Variants in PCNX2 observed in about 807,000 individuals in gnomAD.
PCNX2 encodes pecanex 2, also known as pecanex-like protein 2.
In PCNX2, 168 loss-of-function variants were observed where a neutral mutation model predicts 223.8. The observed-to-expected ratio is 0.75, with a 90% confidence interval of 0.66 to 0.85. The LOEUF (loss-of-function observed/expected upper bound fraction) is 0.85, where lower values mean the gene tolerates loss of function less well. Among genes scored for constraint, PCNX2 ranks in the 40% least tolerant of loss-of-function variants. The pLI, the probability that PCNX2 is intolerant of heterozygous loss-of-function variation, is 0.00. For missense variants in PCNX2, 2,507 were observed against 2,675.5 expected (o/e 0.94, Z 1.39); for synonymous variants, 1,006 against 1,052.6 (o/e 0.96, Z 0.86).
At chr1:233,042,410 A>G (rs1671673794) in intron 25 of PCNX2, among the ~76,000 whole-genome samples, 1 of 152,146 alleles carries the variant, frequency 6.6e-6, no homozygotes, top group Non-Finnish European at 1.5e-5. Flanking sequence ...TCCTATCCCC[A>G]GCTGATAGAC....
At chr1:233,293,484 G>C (rs1661888651) in intron 1 of PCNX2, among the ~76,000 whole-genome samples, 1 of 152,184 alleles carries the variant, frequency 6.6e-6, no homozygotes, top group Non-Finnish European at 1.5e-5. Flanking sequence ...TGAAATACAT[G>C]TTCCAACAAC....
chr1:233,053,360 C>T (rs1451825070), intron 25 of PCNX2, among the ~76,000 whole-genome samples: 1 of 152,094 alleles, frequency 6.6e-6, no homozygotes, highest in African/African-American at 2.4e-5. Flanking sequence ...CTCTCCAGGC[C>T]CTCCTCGACC....
chr1:233,282,528 C>T (rs1216565436), intron 1 of PCNX2, among the ~76,000 whole-genome samples: 2 of 152,152 alleles, frequency 1.3e-5, no homozygotes, highest in Non-Finnish European at 2.9e-5. Context: ...TCAGTGGCAC[C>T]TCATACGCCT....
intron 21 of PCNX2, among the ~76,000 whole-genome samples, chr1:233,119,548 G>T (rs1277293691): frequency 3.4e-5 from 5 of 147,854 alleles, no homozygotes; most frequent in Non-Finnish European, 7.4e-5. Context: ...TCCCGCCACT[G>T]CACTCCAGCC....
intron 25 of PCNX2, chr1:233,033,026 A>C: frequency 1.0e-6 from 1 of 985,470 alleles, no homozygotes; most frequent in Non-Finnish European, 1.2e-6. Flanking sequence ...CAGAAGGTTC[A>C]AAGCATATTC....
intron 32 of PCNX2, among the ~76,000 whole-genome samples, chr1:232,993,969 G>A (rs547113261): frequency 1.3e-5 from 2 of 152,354 alleles, no homozygotes; most frequent in South Asian, 4.1e-4. Flanking sequence ...TTCAGAGGAG[G>A]TATGGAAATG....
intron 17 of PCNX2, among the ~76,000 whole-genome samples, chr1:233,174,218 TTA>T (rs890034995): frequency 4.1e-4 from 56 of 136,428 alleles, no homozygotes; most frequent in African/African-American, 1.3e-3. Flanking sequence ...TATATAAAAA[TTA>T]TGTTATATAT....
At chr1:233,119,863 G>T (rs1285937628) in intron 21 of PCNX2, among the ~76,000 whole-genome samples, 1 of 151,904 alleles carries the variant, frequency 6.6e-6, no homozygotes, top group African/African-American at 2.4e-5. Context: ...TCCAACAAGG[G>T]AATCAAATCT....
intron 5 of PCNX2, among the ~76,000 whole-genome samples, chr1:233,255,996 T>TCTTC (rs113781336): frequency 0.028 from 4,275 of 152,294 alleles, 106 homozygotes; most frequent in African/African-American, 0.071. Context: ...ACTGTCTCTT[T>TCTTC]CTTCAATTAA....
At chr1:233,298,930 T>C (rs67894870), upstream of PCNX2, among the ~76,000 whole-genome samples, 35,979 of 152,186 alleles carry the variant, frequency 0.24, 5,322 homozygotes, top group East Asian at 0.43. Context: ...ATGCTTCTTC[T>C]TGACTACTTG....
intron 21 of PCNX2, among the ~76,000 whole-genome samples, chr1:233,102,384 GGATA>G (rs1416874257): frequency 6.6e-6 from 1 of 152,010 alleles, no homozygotes; most frequent in Non-Finnish European, 1.5e-5. Context: ...CTTTTCTTTT[GGATA>G]GATAGCCAGC....
chr1:233,268,311 C>A (rs536433150), intron 1 of PCNX2, among the ~76,000 whole-genome samples: 189 of 152,264 alleles, frequency 1.2e-3, no homozygotes, highest in Admixed American at 3.3e-3. Context: ...GGTTTTGCCT[C>A]CCATCTTTTG....
intron 19 of PCNX2, among the ~76,000 whole-genome samples, chr1:233,148,687 C>A (rs960453567): frequency 6.6e-6 from 1 of 152,192 alleles, no homozygotes; most frequent in Admixed American, 6.5e-5. Flanking sequence ...CAGGCCTGAG[C>A]CACCATGCCC....
intron 21 of PCNX2, among the ~76,000 whole-genome samples, chr1:233,127,212 A>C (rs1236482953): frequency 6.6e-6 from 1 of 152,146 alleles, no homozygotes; most frequent in Admixed American, 6.5e-5. Flanking sequence ...CAAACTCTGT[A>C]GCACGGCACG....
chr1:232,990,682 G>A lies in PCNX2; in HGVS notation c.5792-4142C>T, dbSNP rs1669665080. Among the ~76,000 whole-genome samples, 1 of 152,162 alleles carries A rather than the reference G, an allele frequency of 6.6e-6. No homozygotes were observed. On this transcript the variant is annotated intron_variant, in intron 32 of 33. Coordinates refer to ENST00000258229, the MANE Select transcript of PCNX2 (RefSeq NM_014801.4). This position sits in a 1 kb window ranked among gnomAD's most constrained non-coding sequence, Gnocchi z 4.3. Reference sequence around the variant, plus strand: ...GCCCAGCACCTCAGAGGTTTCCCTTGGTGGCCCCTGCAGCCGTCTCTGTCC... The same window carrying A: ...GCCCAGCACCTCAGAGGTTTCCCTTAGTGGCCCCTGCAGCCGTCTCTGTCC...
At chr1:233,055,796 G>C (rs1341700343) in intron 24 of PCNX2, among the ~76,000 whole-genome samples, 1 of 152,154 alleles carries the variant, frequency 6.6e-6, no homozygotes, top group South Asian at 2.1e-4. Flanking sequence ...GGGGAGGACA[G>C]GGATGAAGAC....
chr1:233,138,321 C>T (rs922056273), intron 20 of PCNX2, among the ~76,000 whole-genome samples: 3 of 152,180 alleles, frequency 2.0e-5, no homozygotes, highest in Admixed American at 6.5e-5. Flanking sequence ...AGAGTCTTAG[C>T]CCTTGCATCT....
chr1:233,250,188 C>A (rs1249568860), intron 8 of PCNX2, among the ~76,000 whole-genome samples: 28 of 152,230 alleles, frequency 1.8e-4, no homozygotes, highest in Non-Finnish European at 1.5e-5. Context: ...CTGCCACTGA[C>A]AAGACGTACA....
chr1:233,285,930 C>T (rs1023251088), intron 1 of PCNX2, among the ~76,000 whole-genome samples: 1 of 152,114 alleles, frequency 6.6e-6, no homozygotes, highest in African/African-American at 2.4e-5. Flanking sequence ...CCAAGATGTT[C>T]CATCAAGAGG....
Sources: gnomAD v4.1 joint callset for allele counts (sites outside exome capture counted in the v4.1 genomes callset) on GRCh38, gnomAD v4.1.1 for gene constraint, Gnocchi (gnomAD v3.1) non-coding constraint, MANE v1.5 for transcripts, NCBI Gene and HGNC (gene_info 2026-07-23, HGNC 2026-07-21) for gene names.